The following NRXN3 variants were observed in gnomAD, a reference collection of about 807,000 sequenced individuals.
NRXN3 encodes the protein neurexin 3, also known as neurexin III.
A neutral mutation model predicts 137.6 loss-of-function variants in NRXN3; 32 were observed. The ratio of observed to expected loss-of-function variants is 0.23; its 90% CI spans 0.18 to 0.31. The LOEUF (loss-of-function observed/expected upper bound fraction) is 0.31, where lower values mean the gene tolerates loss of function less well. NRXN3 is among the 10% of genes least tolerant of loss of function. NRXN3 has a pLI of 1.00. For synonymous variants in NRXN3, 798 were observed against 784.5 expected, an observed-to-expected ratio of 1.02 and a Z score of -0.29; for missense variants, 1,574 against 2,062.5, an observed-to-expected ratio of 0.76 and a Z score of 4.59.
chr14:79,192,532 C>G (rs2064510211), intron 15 of NRXN3, among the ~76,000 whole-genome samples: 1 of 152,062 alleles, frequency 6.6e-6, no homozygotes, highest in African/African-American at 2.4e-5. Context: ...CAAACCAATG[C>G]TATTTAACCT....
intron 15 of NRXN3, among the ~76,000 whole-genome samples, chr14:79,274,792 TA>T (rs993901166): frequency 6.6e-6 from 1 of 152,208 alleles, no homozygotes; most frequent in Non-Finnish European, 1.5e-5. Flanking sequence ...AGATTAAAAA[TA>T]TTTTTTTTCC....
At chr14:79,729,758 T>G (rs2098914941) in intron 19 of NRXN3, among the ~76,000 whole-genome samples, 2 of 152,194 alleles carry the variant, frequency 1.3e-5, no homozygotes, top group Admixed American at 1.3e-4. Flanking sequence ...GCTGGGAATT[T>G]TGTTTTGAGC....
intron 4 of NRXN3, among the ~76,000 whole-genome samples, chr14:78,498,047 A>T (rs1298767487): frequency 2.6e-5 from 4 of 152,154 alleles, no homozygotes; most frequent in Non-Finnish European, 2.9e-5. Context: ...GTTAAGTATT[A>T]TGGAGACGGG....
intron 10 of NRXN3, among the ~76,000 whole-genome samples, chr14:78,918,298 AAAAAAAAAAG>A (rs1040427026): frequency 6.7e-6 from 1 of 149,596 alleles, no homozygotes; most frequent in Non-Finnish European, 1.5e-5. Flanking sequence ...AAAAAAAAAA[AAAAAAAAAAG>A]AGAGAGAGAG....
intron 4 of NRXN3, among the ~76,000 whole-genome samples, chr14:78,574,109 G>A (rs998780879): frequency 5.9e-5 from 9 of 152,200 alleles, no homozygotes; most frequent in African/African-American, 2.2e-4. Context: ...TGGGCCTGTG[G>A]GTGCACAGAA....
intron 15 of NRXN3, among the ~76,000 whole-genome samples, chr14:78,988,522 C>T (rs367790743): frequency 6.6e-6 from 1 of 152,048 alleles, no homozygotes; most frequent in Admixed American, 6.6e-5. Flanking sequence ...TGAGACTCTC[C>T]CCTTTTGCAT....
At chr14:79,174,092 A>G (rs917945167) in intron 15 of NRXN3, among the ~76,000 whole-genome samples, 2 of 152,166 alleles carry the variant, frequency 1.3e-5, no homozygotes. Flanking sequence ...CTTTAGCATT[A>G]GAGTTATTTT....
chr14:78,910,080 T>C (rs2099232473), intron 10 of NRXN3, among the ~76,000 whole-genome samples: 1 of 152,170 alleles, frequency 6.6e-6, no homozygotes, highest in Non-Finnish European at 1.5e-5. Context: ...TCCTGTCTTA[T>C]TTTTTAATGT....
At chr14:79,063,767 G>T (rs2099677208) in intron 15 of NRXN3, among the ~76,000 whole-genome samples, 2 of 152,002 alleles carry the variant, frequency 1.3e-5, no homozygotes, top group African/African-American at 4.8e-5. Flanking sequence ...ACCTCTTTAT[G>T]TTTGCTCAAG....
intron 2 of NRXN3, among the ~76,000 whole-genome samples, chr14:78,266,531 T>C (rs2071752687): frequency 6.6e-6 from 1 of 152,182 alleles, no homozygotes; most frequent in Admixed American, 6.5e-5. Context: ...TCTCCTGACC[T>C]CATGATCCGC....
intron 7 of NRXN3, among the ~76,000 whole-genome samples, chr14:78,713,906 C>G (rs2098420246): frequency 6.6e-6 from 1 of 152,190 alleles, no homozygotes; most frequent in African/African-American, 2.4e-5. Flanking sequence ...ATGGGAATGG[C>G]AATTCAAGAT....
chr14:79,078,295 G>A (rs182622716), intron 15 of NRXN3, among the ~76,000 whole-genome samples: 3 of 152,076 alleles, frequency 2.0e-5, no homozygotes, highest in Non-Finnish European at 2.9e-5. Flanking sequence ...TAAATCACTC[G>A]CATGTTAACC....
chr14:78,908,300 T>G (rs982077063), intron 10 of NRXN3, among the ~76,000 whole-genome samples: 1 of 152,084 alleles, frequency 6.6e-6, no homozygotes, highest in African/African-American at 2.4e-5. Flanking sequence ...GTCCAATGTT[T>G]CAAGCTTTTC....
At chr14:79,734,029 T>G (rs2098933478) in intron 19 of NRXN3, among the ~76,000 whole-genome samples, 1 of 152,136 alleles carries the variant, frequency 6.6e-6, no homozygotes, top group Non-Finnish European at 1.5e-5. Flanking sequence ...TTCACTGACT[T>G]GGAGTCACTG....
rs2098124866 is a variant in NRXN3 at position 78,686,227 on chromosome 14, C to CT, written c.1222-22988dup. Among the ~76,000 whole-genome samples the CT allele has an allele frequency of 2.6e-5, 4 of 152,332 alleles. No homozygotes were observed. The South Asian group carries it at 8.3e-4, about 32-fold the overall frequency. ...TAACTTACTTTTCTCTCTGGCATGG[C>CT]TTCCACATTTATTTGCCTAATGAGT... is the stretch of plus-strand genomic sequence containing the variant. On this transcript the variant is annotated intron_variant, in intron 6 of 20. Transcript: ENST00000335750.
chr14:79,770,901 G>A (rs1297151941), intron 19 of NRXN3, among the ~76,000 whole-genome samples: 1 of 152,052 alleles, frequency 6.6e-6, no homozygotes, highest in East Asian at 1.9e-4. Flanking sequence ...GAGAAAAAGA[G>A]AGAAGAATCA....
chr14:78,537,560 G>A (rs1250815784), intron 4 of NRXN3, among the ~76,000 whole-genome samples: 2 of 152,208 alleles, frequency 1.3e-5, no homozygotes, highest in Non-Finnish European at 2.9e-5. Context: ...TCTGTAGGTT[G>A]CTTGTTCACT....
At chr14:79,673,626 A>C (rs2098624047) in intron 17 of NRXN3, among the ~76,000 whole-genome samples, 1 of 152,076 alleles carries the variant, frequency 6.6e-6, no homozygotes, top group Non-Finnish European at 1.5e-5. Flanking sequence ...TTATGCACTT[A>C]TTCATTCACC....
chr14:78,588,232 G>A (rs1021173696), intron 4 of NRXN3, among the ~76,000 whole-genome samples: 13 of 152,122 alleles, frequency 8.5e-5, no homozygotes, highest in Non-Finnish European at 2.9e-5. Context: ...TTGAATAAAT[G>A]AAAAGTTTTT....
Sources: gnomAD v4.1 joint callset for allele counts (sites outside exome capture counted in the v4.1 genomes callset) on GRCh38, gnomAD v4.1.1 for gene constraint, MANE v1.5 for transcripts, NCBI Gene and HGNC (gene_info 2026-07-23, HGNC 2026-07-21) for gene names.